Variants in RTL9 observed in about 807,000 individuals in gnomAD.
RTL9 encodes retrotransposon Gag like 9, also known as retrotransposon Gag-like protein 9.
RTL9 carries 19 observed loss-of-function variants against 44.7 expected under a neutral mutation model. The observed-to-expected ratio is 0.42, with a 90% CI of 0.30 to 0.62. The LOEUF (loss-of-function observed/expected upper bound fraction) is 0.62. Among genes scored for constraint, RTL9 ranks in the 20% least tolerant of loss-of-function variants. The pLI is 0.16. For missense variants in RTL9, 1,105 were observed against 1,080.6 expected, an observed-to-expected ratio of 1.02 and a Z score of -0.32; for synonymous variants, 407 against 398.9, an observed-to-expected ratio of 1.02 and a Z score of -0.24.
chrX:110,449,686 C>T (rs1201971088), upstream of RTL9, among the ~76,000 whole-genome samples: 1 of 112,460 alleles, frequency 8.9e-6, no homozygotes, highest in African/African-American at 3.2e-5. Flanking sequence ...TGAATGCAAG[C>T]TCAGGGATGC....
intron 1 of RTL9, among the ~76,000 whole-genome samples, chrX:110,390,551 G>C (rs974904826): frequency 9.0e-6 from 1 of 110,984 alleles, no homozygotes; most frequent in Non-Finnish European, 1.9e-5. Flanking sequence ...ATGCCCAGAG[G>C]ATATCAGGGG....
chrX:110,369,146 C>T (rs2068319226), intron 1 of RTL9, among the ~76,000 whole-genome samples: 1 of 111,322 alleles, frequency 9.0e-6, no homozygotes, highest in South Asian at 3.8e-4. Context: ...TCCTGGCTAA[C>T]ACAGTGAAAC....
At chrX:110,365,746 T>A (rs1343795740) in intron 1 of RTL9, among the ~76,000 whole-genome samples, 2 of 111,978 alleles carry the variant, frequency 1.8e-5, no homozygotes, top group African/African-American at 6.5e-5. Flanking sequence ...TGGTTGCTCA[T>A]GATCTTTCTG....
At chrX:110,424,146 C>T (rs2068737977) in intron 1 of RTL9, among the ~76,000 whole-genome samples, 1 of 111,635 alleles carries the variant, frequency 9.0e-6, no homozygotes, top group African/African-American at 3.3e-5. Context: ...TGCAAGGTCA[C>T]ACTCAGTTAA....
rs1345576852 is a variant in RTL9 at position 110,405,096 on chromosome X, C to CG, written c.-167-40057_-167-40056insG. Among the ~76,000 whole-genome samples, 12 of 99,612 alleles carry CG rather than the reference C, an allele frequency of 1.2e-4. No individual in the cohort carries two copies. In the South Asian group the frequency reaches 3.7e-3, roughly 31 times the overall value. 86.5% of individuals were successfully genotyped at this position (99,612 alleles called of 115,157 possible). A position where few individuals can be genotyped will look rare whatever the true frequency, so the allele number is the denominator to read the frequency against. ...CAGGTGTGCTTGTTGTGTCCCCCCC[C>CG]CCCCCAAGCATGAGTCAGAGCCTTT... On this transcript the variant is annotated intron_variant, in intron 1 of 2. Transcript: ENST00000520821.
At chrX:110,421,924 G>C (rs1383203700) in intron 1 of RTL9, among the ~76,000 whole-genome samples, 2 of 112,999 alleles carry the variant, frequency 1.8e-5, no homozygotes, top group Non-Finnish European at 3.7e-5. Flanking sequence ...AATGGCCATG[G>C]CTATAAGGAA....
intron 1 of RTL9, among the ~76,000 whole-genome samples, chrX:110,396,895 T>C: frequency 8.9e-6 from 1 of 112,092 alleles, no homozygotes; most frequent in Non-Finnish European, 1.9e-5. Flanking sequence ...ATGGGATCAG[T>C]TGGACTCCTA....
At chrX:110,390,135 A>G (rs2068484823) in intron 1 of RTL9, among the ~76,000 whole-genome samples, 1 of 111,786 alleles carries the variant, frequency 8.9e-6, no homozygotes, top group African/African-American at 3.3e-5. Flanking sequence ...TAAATAAAAT[A>G]CCTGCCTACA....
At chrX:110,452,276 A>G (rs746870563) in exon 1 of RTL9, 2 of 1,209,982 alleles carry the variant, frequency 1.7e-6, no homozygotes, top group African/African-American at 1.7e-5. Flanking sequence ...CCATGCCACA[A>G]ATGAGAACCA....
chrX:110,367,971 CTAATTA>C (rs1292052983), intron 1 of RTL9, among the ~76,000 whole-genome samples: 3 of 66,089 alleles, frequency 4.5e-5, no homozygotes, highest in Admixed American at 2.0e-4. Context: ...ACAGTGCTGG[CTAATTA>C]TTATTATTAT....
intron 1 of RTL9, among the ~76,000 whole-genome samples, chrX:110,380,183 A>G (rs1225886042): frequency 1.8e-5 from 2 of 111,754 alleles, no homozygotes; most frequent in Non-Finnish European, 3.8e-5. Context: ...TACACATAGG[A>G]CAGTAGTAGG....
chrX:110,385,220 C>A (rs1294890763), intron 1 of RTL9, among the ~76,000 whole-genome samples: 1 of 111,436 alleles, frequency 9.0e-6, no homozygotes, highest in Non-Finnish European at 1.9e-5. Flanking sequence ...AAAGTACTTA[C>A]CTACCTCTTA....
intron 1 of RTL9, among the ~76,000 whole-genome samples, chrX:110,370,907 A>T (rs1220076607): frequency 3.6e-5 from 4 of 112,134 alleles, no homozygotes; most frequent in Non-Finnish European, 7.5e-5. Context: ...TACTCTTTTC[A>T]CATCTTCTGC....
chrX:110,399,566 G>A (rs185787356), intron 1 of RTL9, among the ~76,000 whole-genome samples: 18 of 112,171 alleles, frequency 1.6e-4, no homozygotes, highest in African/African-American at 4.2e-4. Flanking sequence ...TGATTTTTTC[G>A]GGCTGTCTCA....
chrX:110,420,562 G>A (rs947897704), intron 1 of RTL9, among the ~76,000 whole-genome samples: 1 of 111,818 alleles, frequency 8.9e-6, no homozygotes, highest in Non-Finnish European at 1.9e-5. Flanking sequence ...TTTTGTCATC[G>A]GTCTAAAAAG....
chrX:110,367,963 A>G (rs757584124), intron 1 of RTL9, among the ~76,000 whole-genome samples: 1 of 93,268 alleles, frequency 1.1e-5, no homozygotes, highest in Non-Finnish European at 2.1e-5. Context: ...TACTCACCAC[A>G]GTGCTGGCTA....
intron 1 of RTL9, among the ~76,000 whole-genome samples, chrX:110,382,697 C>A (rs907835484): frequency 1.8e-5 from 2 of 111,462 alleles, no homozygotes; most frequent in African/African-American, 3.3e-5. Context: ...TCTCCTTTCC[C>A]TTTCCTCTGC....
At chrX:110,429,690 C>T (rs2068783255) in intron 1 of RTL9, among the ~76,000 whole-genome samples, 1 of 110,300 alleles carries the variant, frequency 9.1e-6, no homozygotes. Context: ...CCATGTTGGC[C>T]AGGCTGGTCT....
chrX:110,444,621 T>A (rs181704056), intron 1 of RTL9, among the ~76,000 whole-genome samples: 1 of 112,718 alleles, frequency 8.9e-6, no homozygotes, highest in East Asian at 2.8e-4. Context: ...GGTTGTTCTG[T>A]TTCTTAATGA....
Sources: allele counts gnomAD v4.1 joint callset (sites outside exome capture counted in the v4.1 genomes callset), GRCh38; gene constraint gnomAD v4.1.1; transcripts MANE v1.5; gene names NCBI Gene and HGNC (gene_info 2026-07-23, HGNC 2026-07-21).